The following PXDNL variants were observed in gnomAD, a reference collection of about 807,000 sequenced individuals.
PXDNL encodes the protein probable oxidoreductase PXDNL.
In PXDNL, 145 loss-of-function variants were observed where a neutral mutation model predicts 150.8. That is an observed-to-expected ratio of 0.96 (90% CI 0.84 to 1.10). The LOEUF (loss-of-function observed/expected upper bound fraction) is 1.10, where lower values mean the gene tolerates loss of function less well. PXDNL is among the 50% of genes least tolerant of loss of function. The pLI, the probability that PXDNL is intolerant of heterozygous loss-of-function variation, is 0.00. For missense variants in PXDNL, 2,087 were observed against 1,873.9 expected (o/e 1.11, Z -2.10); for synonymous variants, 757 against 725.7 (o/e 1.04, Z -0.69).
At chr8:51,393,859 C>T (rs1290702364) in intron 17 of PXDNL, among the ~76,000 whole-genome samples, 4 of 152,328 alleles carry the variant, frequency 2.6e-5, no homozygotes, top group African/African-American at 7.2e-5. Context: ...GGGCACAGCC[C>T]TGATTTTAGC....
chr8:51,690,780 C>G (rs909219099), intron 1 of PXDNL, among the ~76,000 whole-genome samples: 4 of 150,982 alleles, frequency 2.6e-5, no homozygotes, highest in African/African-American at 7.3e-5. Flanking sequence ...GTTTACAGTC[C>G]CACCCACAGT....
At chr8:51,571,960 G>A (rs184138976) in intron 3 of PXDNL, among the ~76,000 whole-genome samples, 1 of 151,796 alleles carries the variant, frequency 6.6e-6, no homozygotes, top group Non-Finnish European at 1.5e-5. Context: ...TATTTACAAT[G>A]GTTTCCCTTT....
At chr8:51,445,884 C>A (rs1031668890) in intron 12 of PXDNL, among the ~76,000 whole-genome samples, 1 of 152,046 alleles carries the variant, frequency 6.6e-6, no homozygotes, top group Non-Finnish European at 1.5e-5. Context: ...TAGCCTGACA[C>A]CTTTCCACAA....
chr8:51,574,663 G>A (rs188803127), intron 3 of PXDNL, among the ~76,000 whole-genome samples: 10 of 152,054 alleles, frequency 6.6e-5, no homozygotes, highest in Admixed American at 3.3e-4. Flanking sequence ...AGAAAATCTC[G>A]AAAGCAGTGA....
intron 1 of PXDNL, among the ~76,000 whole-genome samples, chr8:51,683,328 A>T (rs1050555823): frequency 6.6e-6 from 1 of 150,710 alleles, no homozygotes; most frequent in Non-Finnish European, 1.5e-5. Flanking sequence ...GATTAGTGAC[A>T]TTAAGCGATT....
At chr8:51,700,888 A>T (rs958883371) in intron 1 of PXDNL, among the ~76,000 whole-genome samples, 3 of 151,844 alleles carry the variant, frequency 2.0e-5, no homozygotes, top group African/African-American at 7.3e-5. Flanking sequence ...TCATATACAT[A>T]CACAATATAC....
At position 51,530,202 on chromosome 8, in the gene PXDNL, A is replaced by T. The variant is rs118014390; in HGVS notation, c.380+26638T>A. Reference sequence around the variant, plus strand: ...TTGAGAGTCATCATTGTATGGATACAATTTAAATTCAAAAGATGGATGAGA... The same window carrying T: ...TTGAGAGTCATCATTGTATGGATACTATTTAAATTCAAAAGATGGATGAGA... On this transcript the variant is annotated intron_variant, in intron 4 of 22. Transcript: ENST00000356297. Among the ~76,000 whole-genome samples, 520 of 152,318 alleles carry T rather than the reference A, an allele frequency of 3.4e-3. 2 individuals are homozygous for T. The highest frequency in any genetic ancestry group is 5.4e-3 in the Non-Finnish European group (370 of 68,032).
At chr8:51,323,944 A>T (rs1805406532) in intron 21 of PXDNL, among the ~76,000 whole-genome samples, 1 of 128,698 alleles carries the variant, frequency 7.8e-6, no homozygotes, top group Non-Finnish European at 1.6e-5. Context: ...ATAAAATAAA[A>T]AAATAAAAAA....
intron 1 of PXDNL, among the ~76,000 whole-genome samples, chr8:51,772,547 G>C (rs1354136460): frequency 6.6e-6 from 1 of 152,168 alleles, no homozygotes; most frequent in African/African-American, 2.4e-5. Context: ...ACCAGGCCAG[G>C]TCAGCCCTGA....
intron 1 of PXDNL, among the ~76,000 whole-genome samples, chr8:51,801,821 T>C (rs960294626): frequency 2.0e-5 from 3 of 152,234 alleles, no homozygotes; most frequent in African/African-American, 7.2e-5. Flanking sequence ...TTTAGTTAGA[T>C]AAAATGTCTA....
intron 21 of PXDNL, among the ~76,000 whole-genome samples, chr8:51,325,809 A>T (rs188895700): frequency 2.7e-4 from 41 of 152,318 alleles, no homozygotes; most frequent in Admixed American, 9.2e-4. Flanking sequence ...TAGGTGCCTC[A>T]GTATACCCTG....
At chr8:51,743,769 G>A (rs1221271377) in intron 1 of PXDNL, among the ~76,000 whole-genome samples, 2 of 152,010 alleles carry the variant, frequency 1.3e-5, no homozygotes, top group Admixed American at 1.3e-4. Flanking sequence ...ACCAGCCTTG[G>A]CCTCCCAAAA....
chr8:51,354,590 T>C (rs1806447790), intron 19 of PXDNL, among the ~76,000 whole-genome samples: 1 of 152,078 alleles, frequency 6.6e-6, no homozygotes, highest in Admixed American at 6.5e-5. Context: ...GGCACATATC[T>C]AACGGGAAAA....
intron 1 of PXDNL, among the ~76,000 whole-genome samples, chr8:51,779,738 T>TGTCTTCATC (rs1563319068): frequency 6.6e-6 from 1 of 152,238 alleles, no homozygotes; most frequent in East Asian, 1.9e-4. Context: ...AATAGTTGGC[T>TGTCTTCATC]GTCTTCATCC....
chr8:51,411,445 A>T (rs1231419032), intron 15 of PXDNL, 38 bp from the exon 16 acceptor site: 1 of 1,527,108 alleles, frequency 6.5e-7, no homozygotes, highest in Non-Finnish European at 8.7e-7. Context: ...TACAAGGCAA[A>T]ACAGCAGAGT....
chr8:51,621,058 A>C (rs952720127), intron 2 of PXDNL, among the ~76,000 whole-genome samples: 1 of 152,210 alleles, frequency 6.6e-6, no homozygotes, highest in Non-Finnish European at 1.5e-5. Context: ...TATACTATGA[A>C]ATAAAGATGA....
chr8:51,339,751 TGCC>T lies in PXDNL; in HGVS notation c.4017-1_4018del. ...TTCACCCACATATATTTTATCTTGTTGCCTATTTATAACAAGAAGCAAATAAAA... is the reference window on the plus strand; with the variant it reads ...TTCACCCACATATATTTTATCTTGTTTATTTATAACAAGAAGCAAATAAAA... On this transcript the variant is annotated splice_acceptor_variant and coding_sequence_variant, in exon 21 of 23. Coordinates refer to ENST00000356297, the MANE Select transcript of PXDNL (RefSeq NM_144651.5). LOFTEE classifies it high-confidence loss of function. 6.3e-7 allele frequency: 1 copy of T among 1,592,102 alleles called. No homozygotes were observed.
chr8:51,679,927 C>T (rs545759896), intron 1 of PXDNL, among the ~76,000 whole-genome samples: 2 of 152,358 alleles, frequency 1.3e-5, no homozygotes, highest in African/African-American at 4.8e-5. Context: ...TCCTGGGACA[C>T]ATGCTCATTA....
chr8:51,470,792 C>G (rs1585498130), intron 8 of PXDNL, among the ~76,000 whole-genome samples: 1 of 152,058 alleles, frequency 6.6e-6, no homozygotes, highest in East Asian at 1.9e-4. Flanking sequence ...ATTCAGAAAA[C>G]TGAAACTGGA....
Sources: allele counts gnomAD v4.1 joint callset (sites outside exome capture counted in the v4.1 genomes callset), GRCh38; gene constraint gnomAD v4.1.1; transcripts MANE v1.5; gene names NCBI Gene and HGNC (gene_info 2026-07-23, HGNC 2026-07-21).